The following SERPINI1 variants were observed in gnomAD, a reference collection of about 807,000 sequenced individuals.
SERPINI1 encodes serpin family I member 1.
Under a neutral mutation model 41.1 loss-of-function variants are expected in SERPINI1, and 19 were observed. The observed-to-expected ratio is 0.46, with a 90% confidence interval of 0.32 to 0.68. The LOEUF is 0.68. Ranked by LOEUF, SERPINI1 falls within the 30% of genes least tolerant of loss-of-function variation. The pLI is 0.03. For missense variants in SERPINI1, 460 were observed against 479.2 expected (o/e 0.96, Z 0.37); for synonymous variants, 138 against 156.6 (o/e 0.88, Z 0.89).
chr3:167,793,619 GGTACATACCTATA>G, intron 4 of SERPINI1, among the ~76,000 whole-genome samples: 1 of 136,046 alleles, frequency 7.4e-6, no homozygotes, highest in East Asian at 2.0e-4. Flanking sequence ...TAGGCATAAT[GGTACATACCTATA>G]GTCCTAGCTA....
At chr3:167,791,582 A>C (rs1202280670) in intron 3 of SERPINI1, among the ~76,000 whole-genome samples, 2 of 152,232 alleles carry the variant, frequency 1.3e-5, no homozygotes, top group Admixed American at 1.3e-4. Context: ...AAGTAGATTC[A>C]ACTATTAAAA....
chr3:167,761,687 T>C (rs1726387037), intron 1 of SERPINI1, among the ~76,000 whole-genome samples: 1 of 152,204 alleles, frequency 6.6e-6, no homozygotes, highest in Non-Finnish European at 1.5e-5. Context: ...CCCCATATGG[T>C]AAAACGTAGT....
intron 7 of SERPINI1, 87 bp from the exon 8 acceptor site, chr3:167,824,386 G>C (rs545317406): frequency 1.1e-6 from 1 of 951,868 alleles, no homozygotes; most frequent in East Asian, 2.4e-5. Context: ...CTTTGCATTA[G>C]GTGGATAGGC....
At chr3:167,739,734 C>T (rs1012433619) in intron 1 of SERPINI1, among the ~76,000 whole-genome samples, 2 of 146,366 alleles carry the variant, frequency 1.4e-5, no homozygotes, top group African/African-American at 5.0e-5. Context: ...TTATTTCTTC[C>T]AAAAAAAAAA....
intron 1 of SERPINI1, among the ~76,000 whole-genome samples, chr3:167,786,771 A>G (rs1195127291): frequency 6.6e-6 from 1 of 152,316 alleles, no homozygotes; most frequent in Non-Finnish European, 1.5e-5. Flanking sequence ...TATACTTTAT[A>G]AAGTTTTAAA....
chr3:167,814,670 C>T (rs887264233), intron 6 of SERPINI1, among the ~76,000 whole-genome samples: 19 of 152,222 alleles, frequency 1.2e-4, no homozygotes, highest in Admixed American at 3.9e-4. Context: ...TGGTGCCCTG[C>T]ACAATACCGC....
rs2108565489 is a variant in SERPINI1 at position 167,804,024 on chromosome 3, CAT to C, written c.882-3218_882-3217del. Among the ~76,000 whole-genome samples, 3 of 152,318 alleles carry C rather than the reference CAT, an allele frequency of 2.0e-5. No homozygotes were observed. In the South Asian group the frequency reaches 6.2e-4, roughly 32 times the overall value. ...GTAGCAATAAGCAAACGCATACACA[CAT>C]AAACATTTTAAGCCATTGAATGTAT... is the stretch of plus-strand genomic sequence containing the variant. On this transcript the variant is annotated intron_variant, in intron 5 of 8. Coordinates refer to ENST00000446050, the MANE Select transcript of SERPINI1 (RefSeq NM_001122752.2).
intron 5 of SERPINI1, among the ~76,000 whole-genome samples, chr3:167,804,111 C>A (rs1011638274): frequency 1.3e-5 from 2 of 152,280 alleles, no homozygotes; most frequent in East Asian, 1.9e-4. Context: ...TACCATAGAA[C>A]AATTCTACTT....
At chr3:167,818,635 A>C (rs1274854508) in intron 6 of SERPINI1, among the ~76,000 whole-genome samples, 1 of 152,012 alleles carries the variant, frequency 6.6e-6, no homozygotes, top group Non-Finnish European at 1.5e-5. Flanking sequence ...TCTGAGAATA[A>C]CCCTTAGCAT....
chr3:167,737,670 A>T (rs574143958), intron 1 of SERPINI1, among the ~76,000 whole-genome samples: 1 of 152,282 alleles, frequency 6.6e-6, no homozygotes, highest in African/African-American at 2.4e-5. Context: ...AATACTACCA[A>T]TGAAATTCTT....
chr3:167,779,472 T>C (rs1006089773), intron 1 of SERPINI1, among the ~76,000 whole-genome samples: 1 of 152,202 alleles, frequency 6.6e-6, no homozygotes, highest in African/African-American at 2.4e-5. Flanking sequence ...TATACATGTA[T>C]ATTGTGCATT....
At chr3:167,781,774 TA>T (rs1167828247) in intron 1 of SERPINI1, among the ~76,000 whole-genome samples, 1 of 151,636 alleles carries the variant, frequency 6.6e-6, no homozygotes, top group African/African-American at 2.4e-5. Context: ...AATTGGGTTA[TA>T]AAAAAGATGC....
intron 6 of SERPINI1, among the ~76,000 whole-genome samples, chr3:167,817,042 G>A (rs1272568895): frequency 2.0e-5 from 3 of 151,918 alleles, no homozygotes; most frequent in Admixed American, 2.0e-4. Context: ...GTGAGAGGGA[G>A]AGCAAGCAGG....
chr3:167,780,671 A>G (rs1159320709), intron 1 of SERPINI1, among the ~76,000 whole-genome samples: 1 of 152,184 alleles, frequency 6.6e-6, no homozygotes, highest in Non-Finnish European at 1.5e-5. Flanking sequence ...CACTTGGTTC[A>G]TTCCTTGAGT....
intron 5 of SERPINI1, among the ~76,000 whole-genome samples, chr3:167,796,087 A>G (rs1440551504): frequency 6.6e-6 from 1 of 152,110 alleles, no homozygotes; most frequent in East Asian, 1.9e-4. Context: ...TGATTAACCC[A>G]TTCATATTTA....
At chr3:167,789,002 A>G in intron 1 of SERPINI1, 109 bp from the exon 2 acceptor site, 1 of 1,036,306 alleles carries the variant, frequency 9.6e-7, no homozygotes, top group Non-Finnish European at 1.4e-6. Flanking sequence ...TTATTTGTTC[A>G]TTTAACTGTT....
chr3:167,800,715 A>G (rs1433020217), intron 5 of SERPINI1, among the ~76,000 whole-genome samples: 3 of 152,230 alleles, frequency 2.0e-5, no homozygotes, highest in African/African-American at 7.2e-5. Context: ...ATATTTTGAA[A>G]TAATTGCCTA....
chr3:167,748,809 A>G lies in SERPINI1; in HGVS notation c.-19+12986A>G, dbSNP rs575203044. On this transcript the variant is annotated intron_variant, in intron 1 of 8. Coordinates refer to ENST00000446050, the MANE Select transcript of SERPINI1 (RefSeq NM_001122752.2). The stretch of plus-strand genomic sequence containing the variant: ...GTGTGTGTGTTAACTGTATCTAAAT[A>G]CCAGTTCTCCACAATGAGTACCATG... 8.0e-5 allele frequency among the ~76,000 whole-genome samples: 12 copies of G among 150,440 alleles called. No homozygotes were observed. The East Asian group carries it at 2.4e-3, about 29-fold the overall frequency.
In SERPINI1 at chr3:167,780,139, G is replaced by A. The variant is rs958750846; in HGVS notation, c.-18-8972G>A. 2.6e-5 allele frequency among the ~76,000 whole-genome samples: 4 copies of A among 151,952 alleles called. No homozygotes were observed. The East Asian group carries it at 5.8e-4, about 22-fold the overall frequency. ...GCATATTATTCCCTCAGTAAACAAC[G>A]GTTTAAACCTTTTTAACATTCTTTT... On this transcript the variant is annotated intron_variant, in intron 1 of 8. Coordinates refer to ENST00000446050, the MANE Select transcript of SERPINI1 (RefSeq NM_001122752.2).
Sources: allele counts gnomAD v4.1 joint callset (sites outside exome capture counted in the v4.1 genomes callset), GRCh38; gene constraint gnomAD v4.1.1; transcripts MANE v1.5; gene names NCBI Gene and HGNC (gene_info 2026-07-23, HGNC 2026-07-21).